MBNL2: variants seen among roughly 807,000 people sequenced by gnomAD.
MBNL2 encodes the protein muscleblind-like protein 2.
Under a neutral mutation model 41.9 loss-of-function variants are expected in MBNL2, and 17 were observed. That is an observed-to-expected ratio of 0.41 (90% confidence interval 0.28 to 0.61). The LOEUF is 0.61. MBNL2 is among the 20% of genes least tolerant of loss of function. MBNL2 has a pLI of 0.35. For missense variants in MBNL2, 336 were observed against 505.6 expected (o/e 0.66, Z 3.22); for synonymous variants, 195 against 182.9 (o/e 1.07, Z -0.53).
intron 7 of MBNL2, among the ~76,000 whole-genome samples, chr13:97,358,589 C>T (rs969322660): frequency 6.6e-6 from 1 of 152,150 alleles, no homozygotes; most frequent in African/African-American, 2.4e-5. Context: ...ACCACAGACA[C>T]ACACACGCAC....
intron 7 of MBNL2, among the ~76,000 whole-genome samples, chr13:97,363,733 A>G (rs2063615692): frequency 6.6e-6 from 1 of 152,108 alleles, no homozygotes; most frequent in East Asian, 1.9e-4. Context: ...AGATGAGAGA[A>G]TAGGGCTGGA....
chr13:97,175,459 C>T, the MBNL2 span, among the ~76,000 whole-genome samples: 1 of 152,250 alleles, frequency 6.6e-6, no homozygotes, highest in South Asian at 2.1e-4. Context: ...CCACACACCA[C>T]CTGGATTGCA....
intron 2 of MBNL2, among the ~76,000 whole-genome samples, chr13:97,317,083 C>T (rs576360401): frequency 3.5e-4 from 53 of 152,188 alleles, no homozygotes; most frequent in Non-Finnish European, 5.6e-4. Context: ...CCAGTGGGAA[C>T]GGAAGGTGGC....
At chr13:97,230,326 G>A (rs79884187) in intron 1 of MBNL2, among the ~76,000 whole-genome samples, 5 of 152,300 alleles carry the variant, frequency 3.3e-5, no homozygotes, top group East Asian at 3.9e-4. Context: ...CTGAAAAAGG[G>A]ACCAATAAAT....
intron 5 of MBNL2, among the ~76,000 whole-genome samples, chr13:97,351,077 G>C (rs968374043): frequency 1.3e-5 from 2 of 152,212 alleles, no homozygotes; most frequent in African/African-American, 4.8e-5. Flanking sequence ...CTGCAGAACA[G>C]CTGTTGTGTT....
intron 2 of MBNL2, among the ~76,000 whole-genome samples, chr13:97,316,603 G>C (rs1353337421): frequency 6.6e-6 from 1 of 152,148 alleles, no homozygotes; most frequent in African/African-American, 2.4e-5. Context: ...GTCCTCCCGA[G>C]CCCTTAGTGC....
chr13:97,203,489 A>G, the MBNL2 span, among the ~76,000 whole-genome samples: 1 of 152,124 alleles, frequency 6.6e-6, no homozygotes. Flanking sequence ...TGCTCCGGGG[A>G]AAAATGCCTC....
At chr13:97,235,402 A>G (rs17301334) in intron 1 of MBNL2, among the ~76,000 whole-genome samples, 1 of 152,202 alleles carries the variant, frequency 6.6e-6, no homozygotes, top group Non-Finnish European at 1.5e-5. Flanking sequence ...TCAATAATTG[A>G]TCAGAAAATG....
chr13:97,228,616 G>A (rs565824359), intron 1 of MBNL2, among the ~76,000 whole-genome samples: 1 of 144,320 alleles, frequency 6.9e-6, no homozygotes, highest in African/African-American at 2.6e-5. Flanking sequence ...GCCAACCTCT[G>A]CCTCCCAGGT....
intron 7 of MBNL2, among the ~76,000 whole-genome samples, chr13:97,363,418 C>CTGTGTGTGTGTGTGTGTGTGTGTG (rs55745808): frequency 7.3e-6 from 1 of 136,646 alleles, no homozygotes; most frequent in Non-Finnish European, 1.6e-5. Context: ...GAAAGAAAAA[C>CTGTGTGTGTGTGTGTGTGTGTGTG]TGTGTGTGTG....
chr13:97,168,537 A>G, the MBNL2 span, among the ~76,000 whole-genome samples: 1 of 152,124 alleles, frequency 6.6e-6, no homozygotes, highest in Non-Finnish European at 1.5e-5. Context: ...ATAATTTTTA[A>G]CTTGATTTGT....
chr13:97,315,009 T>A (rs961454439), intron 2 of MBNL2, among the ~76,000 whole-genome samples: 47 of 152,278 alleles, frequency 3.1e-4, no homozygotes, highest in African/African-American at 1.0e-3. Context: ...TGAAATGTAT[T>A]TTCATATATA....
chr13:97,267,243 A>G (rs1349765253), intron 1 of MBNL2, among the ~76,000 whole-genome samples: 2 of 152,250 alleles, frequency 1.3e-5, no homozygotes, highest in Admixed American at 6.5e-5. Flanking sequence ...ATAACTTAGC[A>G]GCTGCAAAAG....
chr13:97,323,018 C>T (rs2059630689), intron 2 of MBNL2, among the ~76,000 whole-genome samples: 3 of 152,252 alleles, frequency 2.0e-5, no homozygotes. Flanking sequence ...GCCAGAGAAG[C>T]AGGGAAAACA....
intron 2 of MBNL2, among the ~76,000 whole-genome samples, chr13:97,328,711 T>G (rs1351988358): frequency 6.6e-6 from 1 of 152,178 alleles, no homozygotes; most frequent in Non-Finnish European, 1.5e-5. Flanking sequence ...ATCGTAGAAA[T>G]CCATTGCTTT....
At chr13:97,273,676 G>T (rs902394725) in intron 1 of MBNL2, among the ~76,000 whole-genome samples, 2 of 152,178 alleles carry the variant, frequency 1.3e-5, no homozygotes, top group Non-Finnish European at 2.9e-5. Context: ...GAGATGTCCT[G>T]CTTAAATAAA....
intron 5 of MBNL2, among the ~76,000 whole-genome samples, chr13:97,356,131 G>A (rs1276179499): frequency 4.6e-5 from 7 of 152,054 alleles, no homozygotes; most frequent in Admixed American, 3.9e-4. Context: ...TACAAGACTC[G>A]CACTAGCAGA....
At chr13:97,293,473 G>T (rs1346927832) in intron 2 of MBNL2, among the ~76,000 whole-genome samples, 1 of 152,150 alleles carries the variant, frequency 6.6e-6, no homozygotes, top group Non-Finnish European at 1.5e-5. Flanking sequence ...CCTGGTACAT[G>T]ACACTTGAGA....
chr13:97,309,446 G>A (rs773464306), intron 2 of MBNL2, among the ~76,000 whole-genome samples: 7 of 152,130 alleles, frequency 4.6e-5, no homozygotes, highest in African/African-American at 9.7e-5. Context: ...ATTTGGACAC[G>A]GAGATAAGCA....
Sources: gnomAD v4.1 joint callset for allele counts (sites outside exome capture counted in the v4.1 genomes callset) on GRCh38, gnomAD v4.1.1 for gene constraint, MANE v1.5 for transcripts, NCBI Gene and HGNC (gene_info 2026-07-23, HGNC 2026-07-21) for gene names.